Variants in TNR observed in about 807,000 individuals in gnomAD.
TNR encodes tenascin R.
A neutral mutation model predicts 150.4 loss-of-function variants in TNR; 45 were observed. The ratio of observed to expected loss-of-function variants is 0.30; its 90% confidence interval spans 0.24 to 0.38. TNR has a LOEUF of 0.38. Ranked by LOEUF, TNR falls within the 10% of genes least tolerant of loss-of-function variation. The probability of loss-of-function intolerance (pLI) is 1.00; values close to 1 mark genes in which losing one functional copy is unlikely to be tolerated. For missense variants in TNR, 1,544 were observed against 1,759.1 expected, an observed-to-expected ratio of 0.88 and a Z score of 2.19; for synonymous variants, 687 against 678.4, an observed-to-expected ratio of 1.01 and a Z score of -0.20.
At chr1:175,326,931 G>C (rs1272913864) in intron 21 of TNR, among the ~76,000 whole-genome samples, 1 of 151,290 alleles carries the variant, frequency 6.6e-6, no homozygotes, top group Admixed American at 6.6e-5. Context: ...CTCCCAAAGT[G>C]CTGGGATTAC....
intron 2 of TNR, among the ~76,000 whole-genome samples, chr1:175,465,783 A>C (rs1340410040): frequency 2.0e-5 from 3 of 152,062 alleles, no homozygotes; most frequent in Non-Finnish European, 4.4e-5. Context: ...AGGCAAGCCC[A>C]GTGTGGCAAT....
At chr1:175,618,481 G>T (rs1184075861) in intron 1 of TNR, among the ~76,000 whole-genome samples, 4 of 152,076 alleles carry the variant, frequency 2.6e-5, no homozygotes, top group African/African-American at 9.7e-5. Context: ...AATGCATATT[G>T]GCAGCCACTT....
intron 1 of TNR, among the ~76,000 whole-genome samples, chr1:175,707,464 T>C (rs1030475938): frequency 6.6e-6 from 1 of 152,170 alleles, no homozygotes; most frequent in Non-Finnish European, 1.5e-5. Context: ...CCATAGTAAA[T>C]TTGTTCAGAC....
At chr1:175,364,305 T>C (rs143711110) in intron 12 of TNR, among the ~76,000 whole-genome samples, 1 of 151,546 alleles carries the variant, frequency 6.6e-6, no homozygotes, top group African/African-American at 2.4e-5. Flanking sequence ...TTTCCTAAAT[T>C]GTATTTCATT....
rs889593261 is a variant in TNR, at chr1:175,634,573, C to T, written c.-164-106204G>A. 4.6e-5 allele frequency among the ~76,000 whole-genome samples: 7 copies of T among 152,094 alleles called. No individual in the cohort carries two copies. The East Asian group carries it at 1.2e-3, about 25-fold the overall frequency. On this transcript the variant is annotated intron_variant, in intron 1 of 22. Coordinates refer to ENST00000367674, the MANE Select transcript of TNR (RefSeq NM_003285.3). ...TAAGTCAGTAGAGTGAAAATGTGGGCGTTGTTTGGGACTTAGTATGTGGGA... is the reference window on the plus strand; with the variant it reads ...TAAGTCAGTAGAGTGAAAATGTGGGTGTTGTTTGGGACTTAGTATGTGGGA...
chr1:175,641,322 A>AGAGAGAGAAAGAAAGTGAGG (rs1664650989), intron 1 of TNR, among the ~76,000 whole-genome samples: 1 of 152,096 alleles, frequency 6.6e-6, no homozygotes. Flanking sequence ...AAGAAAAAAG[A>AGAGAGAGAAAGAAAGTGAGG]GAGAGAGAAA....
In TNR at chr1:175,599,057, G is replaced by T. The variant is rs2101844957; in HGVS notation, c.-164-70688C>A. Among the ~76,000 whole-genome samples, 1 of 152,356 alleles carries T rather than the reference G, an allele frequency of 6.6e-6. No homozygotes were observed. Among genetic ancestry groups the T allele is most frequent in the Non-Finnish European group, 1.5e-5 (1 of 68,034 alleles). ...GCTTCCCCAAGGTCACACGTTCAGTGACGGAGAGGCAGGGTGGAGCTGCGG... is the reference window on the plus strand; with the variant it reads ...GCTTCCCCAAGGTCACACGTTCAGTTACGGAGAGGCAGGGTGGAGCTGCGG... On this transcript the variant is annotated intron_variant, in intron 1 of 22. Transcript: ENST00000367674. The surrounding 1 kb of genome is among the most constrained non-coding windows in gnomAD (Gnocchi z 4.7).
chr1:175,396,479 A>C, intron 5 of TNR, 65 bp downstream of exon 5: 1 of 1,558,800 alleles, frequency 6.4e-7, no homozygotes, highest in South Asian at 1.2e-5. Flanking sequence ...CGCTACTATC[A>C]TGAATGCCCA....
intron 1 of TNR, among the ~76,000 whole-genome samples, chr1:175,563,321 C>A (rs1419783401): frequency 6.6e-6 from 1 of 152,222 alleles, no homozygotes; most frequent in Non-Finnish European, 1.5e-5. Context: ...GCAGTCAACA[C>A]ATTTCTTGGG....
At chr1:175,474,540 C>G (rs1283929565) in intron 2 of TNR, among the ~76,000 whole-genome samples, 1 of 152,216 alleles carries the variant, frequency 6.6e-6, no homozygotes, top group Admixed American at 6.5e-5. Flanking sequence ...GTTATGGCAG[C>G]CTGAGCAAAC....
At chr1:175,693,770 T>C (rs1287346662) in intron 1 of TNR, among the ~76,000 whole-genome samples, 1 of 152,244 alleles carries the variant, frequency 6.6e-6, no homozygotes, top group Non-Finnish European at 1.5e-5. Flanking sequence ...GCAATGTGTA[T>C]ACATGCATGA....
intron 2 of TNR, among the ~76,000 whole-genome samples, chr1:175,526,931 C>T (rs1398394978): frequency 6.6e-6 from 1 of 152,240 alleles, no homozygotes; most frequent in Admixed American, 6.5e-5. Flanking sequence ...GGTTCAGACA[C>T]ATGTGACAGG....
intron 1 of TNR, among the ~76,000 whole-genome samples, chr1:175,601,169 A>T (rs942558363): frequency 6.6e-6 from 1 of 152,260 alleles, no homozygotes; most frequent in Admixed American, 6.5e-5. Flanking sequence ...TTGACAGTCC[A>T]GTAGCTATAC....
chr1:175,331,514 C>T (rs867686799), intron 20 of TNR, among the ~76,000 whole-genome samples: 7 of 152,268 alleles, frequency 4.6e-5, no homozygotes, highest in African/African-American at 1.7e-4. Context: ...CTGCCCGCCT[C>T]AGCCTCTCAA....
chr1:175,533,881 G>A (rs1660168412), intron 1 of TNR, among the ~76,000 whole-genome samples: 1 of 152,148 alleles, frequency 6.6e-6, no homozygotes, highest in Non-Finnish European at 1.5e-5. Context: ...CTACCATGGG[G>A]TTGCAGGGTC....
At chr1:175,618,575 T>TG (rs1663854600) in intron 1 of TNR, among the ~76,000 whole-genome samples, 1 of 152,206 alleles carries the variant, frequency 6.6e-6, no homozygotes. Context: ...TGAAACCATT[T>TG]GTTCCCTCTG....
chr1:175,371,970 G>C (rs1024791804), intron 9 of TNR, among the ~76,000 whole-genome samples: 1 of 152,144 alleles, frequency 6.6e-6, no homozygotes, highest in African/African-American at 2.4e-5. Context: ...CAATGTTGGT[G>C]GTGGGGCCCA....
At chr1:175,614,070 C>T (rs976575767) in intron 1 of TNR, among the ~76,000 whole-genome samples, 1 of 152,146 alleles carries the variant, frequency 6.6e-6, no homozygotes, top group Admixed American at 6.5e-5. Context: ...TGCATGGTTA[C>T]TGTTATTATT....
intron 1 of TNR, among the ~76,000 whole-genome samples, chr1:175,568,903 G>A (rs1191631842): frequency 3.3e-5 from 5 of 152,112 alleles, no homozygotes; most frequent in Non-Finnish European, 7.3e-5. Flanking sequence ...TTGATGCCAA[G>A]ACTAAGGAAA....
Sources: gnomAD v4.1 joint callset for allele counts (sites outside exome capture counted in the v4.1 genomes callset) on GRCh38, gnomAD v4.1.1 for gene constraint, Gnocchi (gnomAD v3.1) non-coding constraint, MANE v1.5 for transcripts, NCBI Gene and HGNC (gene_info 2026-07-23, HGNC 2026-07-21) for gene names.